The following KAZN variants were observed in gnomAD, a reference collection of about 807,000 sequenced individuals.
The protein encoded by KAZN is kazrin, periplakin interacting protein.
KAZN carries 40 observed loss-of-function variants against 87.4 expected under a neutral mutation model. That is an observed-to-expected ratio of 0.46 (90% CI 0.36 to 0.60). KAZN has a LOEUF of 0.60. KAZN is among the 20% of genes least tolerant of loss of function. KAZN has a pLI of 0.00. For synonymous variants in KAZN, 466 were observed against 458.3 expected, an observed-to-expected ratio of 1.02 and a Z score of -0.22; for missense variants, 898 against 1,073.9, an observed-to-expected ratio of 0.84 and a Z score of 2.29.
At chr1:14,233,926 T>C (rs1648114465) in intron 2 of KAZN, among the ~76,000 whole-genome samples, 1 of 152,144 alleles carries the variant, frequency 6.6e-6, no homozygotes, top group Non-Finnish European at 1.5e-5. Flanking sequence ...TGTAGAGAAA[T>C]AGGAACGCTT....
chr1:13,917,687 C>T (rs574925303), intron 1 of KAZN, among the ~76,000 whole-genome samples: 19 of 149,058 alleles, frequency 1.3e-4, no homozygotes, highest in African/African-American at 2.0e-4. Flanking sequence ...GTCCCAGCTA[C>T]GTGGGAGGCT....
chr1:14,984,228 G>A (rs1262831529), intron 2 of KAZN, among the ~76,000 whole-genome samples: 5 of 151,948 alleles, frequency 3.3e-5, no homozygotes, highest in African/African-American at 7.3e-5. Flanking sequence ...ATGGTGGTGT[G>A]CACCTGTAGT....
chr1:14,521,034 C>G (rs767708276), intron 2 of KAZN, among the ~76,000 whole-genome samples: 1 of 152,176 alleles, frequency 6.6e-6, no homozygotes, highest in African/African-American at 2.4e-5. Context: ...AAGTAACCAT[C>G]CGAGTACTCC....
At chr1:14,747,693 C>A (rs1644299854) in intron 1 of KAZN, among the ~76,000 whole-genome samples, 1 of 152,218 alleles carries the variant, frequency 6.6e-6, no homozygotes, top group African/African-American at 2.4e-5. Context: ...CAGTTTGAGT[C>A]CCTGTTTTCA....
intron 2 of KAZN, among the ~76,000 whole-genome samples, chr1:14,315,626 G>C (rs1490747456): frequency 6.6e-6 from 1 of 152,008 alleles, no homozygotes; most frequent in Non-Finnish European, 1.5e-5. Flanking sequence ...GTCTTTGTTA[G>C]AATTTCATAT....
chr1:14,665,862 G>A lies in KAZN; in HGVS notation c.226+66639G>A, dbSNP rs1342976342. ...GCCCCTCCCCACTAAAGGCTGAAGT[G>A]CACCACCAGTGTCCAAGGGTGTCAT... is the stretch of plus-strand genomic sequence containing the variant. On this transcript the variant is annotated intron_variant, in intron 1 of 14. Coordinates refer to ENST00000376030, the MANE Select transcript of KAZN (RefSeq NM_201628.3). Among the ~76,000 whole-genome samples, 3 of 148,676 alleles carry A rather than the reference G, an allele frequency of 2.0e-5. No individual in the cohort carries two copies. The East Asian group carries it at 6.0e-4, about 30-fold the overall frequency.
chr1:15,111,271 T>TTGTTGTTGTTGTTGTTGTTGTTGTTG (rs55891519), intron 13 of KAZN, among the ~76,000 whole-genome samples: 3 of 147,480 alleles, frequency 2.0e-5, no homozygotes, highest in East Asian at 2.0e-4. Context: ...GTTGTTGTTG[T>TTGTTGTTGTTGTTGTTGTTGTTGTTG]TTGTTGTTGT....
Position 14,673,519 on chromosome 1 carries a change from G to A in KAZN, c.226+74296G>A, listed in dbSNP as rs150120698. Among the ~76,000 whole-genome samples the A allele has an allele frequency of 6.6e-5, 10 of 152,306 alleles. No homozygotes were observed. The East Asian group carries it at 9.7e-4, about 15-fold the overall frequency. Reference sequence around the variant, plus strand: ...TTGAAGAATGCCTGAAATTCAGAACGTCAGGGAGGAAGCGTCCTTCGAGAT... The same window carrying A: ...TTGAAGAATGCCTGAAATTCAGAACATCAGGGAGGAAGCGTCCTTCGAGAT... On this transcript the variant is annotated intron_variant, in intron 1 of 14. Transcript: ENST00000376030.
At chr1:14,196,579 A>G (rs938923882) in intron 2 of KAZN, among the ~76,000 whole-genome samples, 11 of 152,066 alleles carry the variant, frequency 7.2e-5, no homozygotes, top group Admixed American at 5.9e-4. Context: ...AGAAGGCTGG[A>G]GGGAAGGGAA....
intron 2 of KAZN, among the ~76,000 whole-genome samples, chr1:14,362,068 T>A (rs960503514): frequency 5.9e-5 from 9 of 152,188 alleles, no homozygotes; most frequent in Non-Finnish European, 1.3e-4. Context: ...TAGCTATTGC[T>A]GCATGACAAT....
At chr1:14,954,931 G>A (rs1024471249) in intron 1 of KAZN, among the ~76,000 whole-genome samples, 4 of 152,084 alleles carry the variant, frequency 2.6e-5, no homozygotes, top group African/African-American at 4.8e-5. Context: ...CAGCCTGGGC[G>A]ACAGCACGAG....
chr1:14,333,106 A>G (rs921221521), intron 2 of KAZN, among the ~76,000 whole-genome samples: 1 of 151,992 alleles, frequency 6.6e-6, no homozygotes, highest in Non-Finnish European at 1.5e-5. Flanking sequence ...CTCATTGTTC[A>G]GCTCCCACTT....
intron 5 of KAZN, among the ~76,000 whole-genome samples, chr1:15,059,151 G>A (rs754780221): frequency 2.7e-5 from 4 of 150,322 alleles, no homozygotes; most frequent in Non-Finnish European, 4.4e-5. Context: ...TGCCCAGGCT[G>A]GTTTCGAAGT....
chr1:13,998,651 C>A (rs377523154), intron 1 of KAZN, among the ~76,000 whole-genome samples: 1 of 151,470 alleles, frequency 6.6e-6, no homozygotes, highest in African/African-American at 2.4e-5. Context: ...GGGAACAATG[C>A]AACAAGAAGA....
chr1:14,915,128 G>A (rs1428526395), intron 1 of KAZN, among the ~76,000 whole-genome samples: 1 of 152,048 alleles, frequency 6.6e-6, no homozygotes, highest in Non-Finnish European at 1.5e-5. Context: ...CGGAGGTTGC[G>A]GTGAGCCAAG....
intron 1 of KAZN, among the ~76,000 whole-genome samples, chr1:14,877,813 C>G (rs931969787): frequency 5.3e-5 from 8 of 152,162 alleles, no homozygotes; most frequent in Admixed American, 4.6e-4. Context: ...TCAGTAAAGG[C>G]TGTTGTTATC....
At chr1:14,456,106 G>A (rs1455517261) in intron 2 of KAZN, among the ~76,000 whole-genome samples, 1 of 152,194 alleles carries the variant, frequency 6.6e-6, no homozygotes, top group Non-Finnish European at 1.5e-5. Context: ...AAGTGCATGA[G>A]CATGCGTTTA....
chr1:13,996,940 A>G (rs1639549121), intron 1 of KAZN, among the ~76,000 whole-genome samples: 2 of 152,206 alleles, frequency 1.3e-5, no homozygotes, highest in African/African-American at 4.8e-5. Context: ...TACCCTGTAC[A>G]GGAACAATCC....
chr1:14,378,631 G>A (rs2094605), intron 2 of KAZN, among the ~76,000 whole-genome samples: 133,876 of 152,228 alleles, frequency 0.88, 59,102 homozygotes, highest in Middle Eastern at 0.93. Context: ...GTGCTGCCCC[G>A]TCACAGCAGA....
Sources: allele counts gnomAD v4.1 joint callset (sites outside exome capture counted in the v4.1 genomes callset), GRCh38; gene constraint gnomAD v4.1.1; transcripts MANE v1.5; gene names NCBI Gene and HGNC (gene_info 2026-07-23, HGNC 2026-07-21).